The following CBLB variants were observed in gnomAD, a reference collection of about 807,000 sequenced individuals.
The protein encoded by CBLB is Cbl proto-oncogene B.
Under a neutral mutation model 104.9 loss-of-function variants are expected in CBLB, and 31 were observed. That is an observed-to-expected ratio of 0.30 (90% CI 0.22 to 0.40). The LOEUF (loss-of-function observed/expected upper bound fraction) is 0.40. Ranked by LOEUF, CBLB falls within the 10% of genes least tolerant of loss-of-function variation. The pLI, the probability that CBLB is intolerant of heterozygous loss-of-function variation, is 1.00. For missense variants in CBLB, 1,062 were observed against 1,214.6 expected (o/e 0.87, Z 1.87); for synonymous variants, 440 against 422.6 (o/e 1.04, Z -0.51).
chr3:105,845,318 A>G (rs916380496), intron 3 of CBLB, among the ~76,000 whole-genome samples: 1 of 151,586 alleles, frequency 6.6e-6, no homozygotes, highest in Non-Finnish European at 1.5e-5. Flanking sequence ...AATACTTGCA[A>G]TAAGTTTTAG....
rs775526199 is a variant in CBLB at position 105,678,545 on chromosome 3, G to A, written c.2455C>T (p.Pro819Ser). Reference protein sequence around the residue: ...LGEDAFDALPPSLPPPPPPAR... With the variant: ...LGEDAFDALPSSLPPPPPPAR... ...GGAGGTGGGGGAGGTGGGAGAGATGGAGGGAGGGCATCAAAAGCATCTTCA... is the reference window on the plus strand; with the variant it reads ...GGAGGTGGGGGAGGTGGGAGAGATGAAGGGAGGGCATCAAAAGCATCTTCA... Residue 819 changes from proline (P) to serine (S), a missense_variant, in exon 17 of 19, where the codon CCA (proline) becomes TCA (serine). Transcript: ENST00000394030. 1 of 1,613,768 alleles carries A rather than the reference G, an allele frequency of 6.2e-7. No individual in the cohort carries two copies. The highest frequency in any genetic ancestry group is 8.5e-7 in the Non-Finnish European group (1 of 1,179,796).
chr3:105,695,028 A>G (rs1231065780), intron 12 of CBLB, among the ~76,000 whole-genome samples: 1 of 151,896 alleles, frequency 6.6e-6, no homozygotes, highest in Non-Finnish European at 1.5e-5. Context: ...TCATTGTGAT[A>G]TTGAGCATTG....
rs1290093848 is a variant in CBLB, at chr3:105,681,460, CT to C, written c.2428+18del. ...AGAAGGAGGGGTGGGTTGTTCAAAA[CT>C]TTTTTAAAGGTTTCAACCTAATGGA... On this transcript the variant is annotated intron_variant, in intron 16 of 18. Coordinates refer to ENST00000394030, the MANE Select transcript of CBLB (RefSeq NM_170662.5). The C allele has an allele frequency of 2.5e-6, 4 of 1,613,456 alleles. No individual in the cohort carries two copies. The highest frequency in any genetic ancestry group is 3.4e-6 in the Non-Finnish European group (4 of 1,179,638).
intron 3 of CBLB, among the ~76,000 whole-genome samples, chr3:105,808,981 C>T (rs1206063919): frequency 6.6e-6 from 1 of 152,124 alleles, no homozygotes; most frequent in Non-Finnish European, 1.5e-5. Flanking sequence ...GCTCAAAAGA[C>T]AAAATAACCC....
chr3:105,839,900 G>A (rs993775430), intron 3 of CBLB, among the ~76,000 whole-genome samples: 1 of 152,192 alleles, frequency 6.6e-6, no homozygotes, highest in African/African-American at 2.4e-5. Context: ...TAGTATTAAA[G>A]AGGAAAAAAT....
rs1184577937 is a variant in CBLB, at chr3:105,657,888, T to C, written c.*1082A>G. ...ACTCAACAGTGCAACGAAGAGTTAA[T>C]GTTTCCACTGCAATATGAACTGGTT... is the stretch of plus-strand genomic sequence containing the variant. On this transcript the variant is annotated 3_prime_UTR_variant, in exon 19 of 19. Transcript: ENST00000394030. The C allele has an allele frequency of 4.7e-6, 1 of 210,624 alleles. No individual in the cohort carries two copies. The highest frequency in any genetic ancestry group is 2.3e-5 in the African/African-American group (1 of 44,150). The allele number at this position is 210,624 out of a possible 1,614,324, so 13.0% of individuals were successfully genotyped here.
chr3:105,743,720 T>C (rs984192868), intron 6 of CBLB, among the ~76,000 whole-genome samples: 21 of 147,392 alleles, frequency 1.4e-4, no homozygotes, highest in Admixed American at 5.5e-4. Context: ...AGACATGAAA[T>C]ACTTTCCAAG....
intron 10 of CBLB, among the ~76,000 whole-genome samples, chr3:105,707,756 T>C (rs1249978045): frequency 6.6e-6 from 1 of 152,058 alleles, no homozygotes; most frequent in Non-Finnish European, 1.5e-5. Context: ...CACAATCCAG[T>C]CCATAATTAA....
chr3:105,837,830 T>G (rs2088803498), intron 3 of CBLB, among the ~76,000 whole-genome samples: 1 of 152,070 alleles, frequency 6.6e-6, no homozygotes, highest in Admixed American at 6.5e-5. Context: ...ACATTCAGAG[T>G]GTACCTACAA....
chr3:105,741,885 G>C (rs1174668693), intron 6 of CBLB, among the ~76,000 whole-genome samples: 1 of 152,184 alleles, frequency 6.6e-6, no homozygotes, highest in Admixed American at 6.5e-5. Flanking sequence ...GCTCAAAAGT[G>C]CAAACTAGGT....
intron 3 of CBLB, among the ~76,000 whole-genome samples, chr3:105,851,938 T>C (rs1159296440): frequency 1.3e-5 from 2 of 152,174 alleles, no homozygotes; most frequent in African/African-American, 4.8e-5. Flanking sequence ...ATTACATGTT[T>C]GTGGTGATGC....
chr3:105,686,465 A>C (rs1194802390), intron 13 of CBLB, among the ~76,000 whole-genome samples: 3 of 151,672 alleles, frequency 2.0e-5, no homozygotes, highest in Non-Finnish European at 4.4e-5. Context: ...AAAAAAAAAC[A>C]AAAAAACTAA....
At chr3:105,712,773 C>G (rs1199265667) in intron 10 of CBLB, among the ~76,000 whole-genome samples, 1 of 152,092 alleles carries the variant, frequency 6.6e-6, no homozygotes, top group African/African-American at 2.4e-5. Context: ...TGTGGTCATG[C>G]AATGAAATTA....
chr3:105,816,692 A>C (rs2153048681), intron 3 of CBLB, among the ~76,000 whole-genome samples: 1 of 152,326 alleles, frequency 6.6e-6, no homozygotes, highest in South Asian at 2.1e-4. Context: ...TATAAAGCTA[A>C]GTACTTTTTA....
chr3:105,779,596 C>T (rs2079906961), intron 3 of CBLB, among the ~76,000 whole-genome samples: 1 of 151,226 alleles, frequency 6.6e-6, no homozygotes, highest in African/African-American at 2.4e-5. Flanking sequence ...TCTTAGAAAT[C>T]CATTATTTAA....
At chr3:105,816,761 A>G (rs1007976792) in intron 3 of CBLB, among the ~76,000 whole-genome samples, 3 of 152,154 alleles carry the variant, frequency 2.0e-5, no homozygotes, top group African/African-American at 7.2e-5. Flanking sequence ...TAAATCAATC[A>G]TCAACTTTAC....
chr3:105,757,694 G>A (rs1332466894), intron 4 of CBLB, among the ~76,000 whole-genome samples: 1 of 152,172 alleles, frequency 6.6e-6, no homozygotes, highest in African/African-American at 2.4e-5. Context: ...ACATGGGAAT[G>A]AACAAAGTAA....
chr3:105,792,073 A>T (rs1206730049), intron 3 of CBLB, among the ~76,000 whole-genome samples: 1 of 152,200 alleles, frequency 6.6e-6, no homozygotes, highest in African/African-American at 2.4e-5. Flanking sequence ...CAATTACCTC[A>T]GAGCTTGTTA....
intron 4 of CBLB, among the ~76,000 whole-genome samples, chr3:105,773,765 T>C (rs2079141452): frequency 6.6e-6 from 1 of 152,228 alleles, no homozygotes; most frequent in Non-Finnish European, 1.5e-5. Context: ...TTCCTACAGA[T>C]TTCTAACTCC....
Sources: allele counts gnomAD v4.1 joint callset (sites outside exome capture counted in the v4.1 genomes callset), GRCh38; gene constraint gnomAD v4.1.1; transcripts MANE v1.5; gene names NCBI Gene and HGNC (gene_info 2026-07-23, HGNC 2026-07-21).